Variants in SEMA4D observed in about 807,000 individuals in gnomAD.
SEMA4D encodes the protein semaphorin 4D, also known as semaphorin-4D.
In SEMA4D, 22 loss-of-function variants were observed where a neutral mutation model predicts 74.8. That is an observed-to-expected ratio of 0.29 (90% confidence interval 0.21 to 0.42). The LOEUF (loss-of-function observed/expected upper bound fraction) is 0.42. Ranked by LOEUF, SEMA4D falls within the 10% of genes least tolerant of loss-of-function variation. The pLI, the probability that SEMA4D is intolerant of heterozygous loss-of-function variation, is 1.00. For synonymous variants in SEMA4D, 445 were observed against 463.7 expected (o/e 0.96, Z 0.52); for missense variants, 937 against 1,118.4 (o/e 0.84, Z 2.31).
chr9:89,440,323 A>C (rs1851419726), intron 2 of SEMA4D, among the ~76,000 whole-genome samples: 2 of 150,128 alleles, frequency 1.3e-5, no homozygotes, highest in African/African-American at 2.5e-5. Context: ...GCTTTCACCC[A>C]CCCCCATGGT....
At chr9:89,395,284 A>T (rs938264339) in intron 6 of SEMA4D, among the ~76,000 whole-genome samples, 2 of 151,980 alleles carry the variant, frequency 1.3e-5, no homozygotes, top group Non-Finnish European at 2.9e-5. Context: ...AATTAGCCAG[A>T]CGTGGTGGCA....
At chr9:89,362,408 G>A in exon 19 of SEMA4D, 1 of 1,614,008 alleles carries the variant, frequency 6.2e-7, no homozygotes, top group Non-Finnish European at 8.5e-7. Context: ...GTGGCTACAG[G>A]GTGTCCTTGC....
downstream of SEMA4D, among the ~76,000 whole-genome samples, chr9:89,373,371 C>T (rs1231649064): frequency 6.6e-6 from 1 of 152,186 alleles, no homozygotes; most frequent in African/African-American, 2.4e-5. Flanking sequence ...GAGCACTGGC[C>T]AAGTGTTGGG....
chr9:89,395,688 G>C (rs1298482713), intron 6 of SEMA4D, among the ~76,000 whole-genome samples: 4 of 152,056 alleles, frequency 2.6e-5, no homozygotes, highest in Non-Finnish European at 5.9e-5. Context: ...CCCCTATCAG[G>C]TTTCGTTGCC....
intron 1 of SEMA4D, among the ~76,000 whole-genome samples, chr9:89,470,559 T>C (rs544880454): frequency 6.6e-6 from 1 of 152,218 alleles, no homozygotes; most frequent in Non-Finnish European, 1.5e-5. Flanking sequence ...ACTTGGGCAG[T>C]TTCTTATAAG....
Position 89,405,908 on chromosome 9 carries a change from T to TC in SEMA4D, c.-243-210dup, listed in dbSNP as rs1316874968. 3.3e-6 allele frequency: 4 copies of TC among 1,196,324 alleles called. No homozygotes were observed. The African/African-American group carries it at 6.3e-5, about 19-fold the overall frequency. The allele number at this position is 1,196,324 out of a possible 1,614,324, so 74.1% of individuals were successfully genotyped here. ...GCCAGGGTCTTCAGGAGTCAGTGCT[T>TC]CCCGCTCCTCCAGCTACCAGCCCAG... On this transcript the variant is annotated intron_variant, in intron 2 of 15. Transcript: ENST00000422704.
At chr9:89,478,705 C>T (rs73490211) in intron 1 of SEMA4D, among the ~76,000 whole-genome samples, 15,960 of 151,720 alleles carry the variant, frequency 0.11, 947 homozygotes, top group Middle Eastern at 0.16. Flanking sequence ...TAGGGGTCTG[C>T]CTCTTGTTCA....
intron 1 of SEMA4D, among the ~76,000 whole-genome samples, chr9:89,475,315 C>T (rs1273480813): frequency 1.3e-5 from 2 of 152,220 alleles, no homozygotes; most frequent in Non-Finnish European, 2.9e-5. Flanking sequence ...AGATCCTGAG[C>T]CTCAGCCAGT....
chr9:89,389,205 G>A (rs1400966728), intron 9 of SEMA4D, among the ~76,000 whole-genome samples, 158 bp from the exon 10 acceptor site: 2 of 152,142 alleles, frequency 1.3e-5, no homozygotes, highest in Non-Finnish European at 2.9e-5. Flanking sequence ...AATTATGTGA[G>A]TGGCCCGCAG....
intron 5 of SEMA4D, among the ~76,000 whole-genome samples, chr9:89,397,508 G>A (rs1473733713): frequency 6.6e-6 from 1 of 152,180 alleles, no homozygotes; most frequent in Non-Finnish European, 1.5e-5. Context: ...GCCCAAGCAG[G>A]AAAACAAAGA....
intron 6 of SEMA4D, among the ~76,000 whole-genome samples, chr9:89,393,862 C>T (rs1192141270): frequency 1.3e-5 from 2 of 152,220 alleles, no homozygotes; most frequent in South Asian, 2.1e-4. Flanking sequence ...ACCTTGGTGC[C>T]CTTGCTCCGT....
chr9:89,404,054 C>T lies in SEMA4D; in HGVS notation c.107-1038G>A, dbSNP rs531702197. ...ACAATGGCCTATATTGCTGACAGCT[C>T]TCAGCCACCTGCAAGCAACACCTTG... is the stretch of plus-strand genomic sequence containing the variant. On this transcript the variant is annotated intron_variant, in intron 3 of 15. Coordinates refer to ENST00000422704, the MANE Select transcript of SEMA4D (RefSeq NM_001371194.2). Among the ~76,000 whole-genome samples, 13 of 152,326 alleles carry T rather than the reference C, an allele frequency of 8.5e-5. No individual in the cohort carries two copies. In the South Asian group the frequency reaches 2.1e-3, roughly 24 times the overall value.
chr9:89,459,254 G>GC (rs1039931653), intron 1 of SEMA4D, among the ~76,000 whole-genome samples: 2 of 152,160 alleles, frequency 1.3e-5, no homozygotes, highest in Non-Finnish European at 2.9e-5. Context: ...TGCTCTGGGG[G>GC]GGTCCAAGAA....
intron 2 of SEMA4D, among the ~76,000 whole-genome samples, chr9:89,436,066 A>T (rs1850334079): frequency 6.6e-6 from 1 of 151,900 alleles, no homozygotes; most frequent in Non-Finnish European, 1.5e-5. Context: ...CTCAGACAAC[A>T]TCCTGCACTT....
chr9:89,380,721 C>A (rs186363488), intron 15 of SEMA4D, among the ~76,000 whole-genome samples: 1 of 152,296 alleles, frequency 6.6e-6, no homozygotes, highest in Admixed American at 6.5e-5. Context: ...CCTTACACTG[C>A]CTGAGGATTA....
chr9:89,497,987 G>GCGGCGGCGGCAGCGGCA lies in SEMA4D; in HGVS notation c.-379_-378insTGCCGCTGCCGCCGCCG, dbSNP rs1826168609. 6.8e-6 allele frequency: 1 copy of GCGGCGGCGGCAGCGGCA among 146,278 alleles called. No individual in the cohort carries two copies. The highest frequency in any genetic ancestry group is 2.0e-4 in the East Asian group (1 of 5,036). The allele number at this position is 146,278 out of a possible 1,614,324, so 9.1% of individuals were successfully genotyped here. A position where few individuals can be genotyped will look rare whatever the true frequency, so the allele number is the denominator to read the frequency against. On this transcript the variant is annotated 5_prime_UTR_variant, in exon 1 of 16. Transcript: ENST00000422704. Reference sequence around the variant, plus strand: ...TTCGGGCGCCAGGAATGGCGGCGGCGGCGGCGGCGGCAGCGGCGGGAGGCG... The same window carrying GCGGCGGCGGCAGCGGCA: ...TTCGGGCGCCAGGAATGGCGGCGGCGCGGCGGCGGCAGCGGCAGCGGCGGCGGCAGCGGCGGGAGGCG...
chr9:89,456,791 T>C (rs887931654), intron 1 of SEMA4D, among the ~76,000 whole-genome samples: 3 of 152,194 alleles, frequency 2.0e-5, no homozygotes, highest in Admixed American at 6.5e-5. Context: ...GGTTTCACCA[T>C]GTTAACCAGG....
At chr9:89,372,763 A>G (rs1835289128), downstream of SEMA4D, among the ~76,000 whole-genome samples, 1 of 151,954 alleles carries the variant, frequency 6.6e-6, no homozygotes, top group Non-Finnish European at 1.5e-5. Flanking sequence ...CCAGGGTACC[A>G]TGCTTGGGGT....
chr9:89,372,050 C>CT (rs1835056812), intron 16 of SEMA4D, among the ~76,000 whole-genome samples: 1 of 7,316 alleles, frequency 1.4e-4, no homozygotes, highest in Non-Finnish European at 2.4e-4. Flanking sequence ...GTGTGTGTGT[C>CT]GGGTGTGGTG....
Sources: allele counts gnomAD v4.1 joint callset (sites outside exome capture counted in the v4.1 genomes callset), GRCh38; gene constraint gnomAD v4.1.1; transcripts MANE v1.5; gene names NCBI Gene and HGNC (gene_info 2026-07-23, HGNC 2026-07-21).